Variants in TCEANC observed in about 807,000 individuals in gnomAD.
TCEANC encodes the protein transcription elongation factor A N-terminal and central domain-containing protein.
A neutral mutation model predicts 8.7 loss-of-function variants in TCEANC; 8 were observed. The observed-to-expected ratio is 0.92, with a 90% CI of 0.54 to 1.65. The LOEUF is 1.65. Ranked by LOEUF, TCEANC falls within the 40% of genes most tolerant of loss-of-function variation. The pLI is 0.00. For synonymous variants in TCEANC, 78 were observed against 92.9 expected, an observed-to-expected ratio of 0.84 and a Z score of 0.92; for missense variants, 255 against 251.9, an observed-to-expected ratio of 1.01 and a Z score of -0.08.
exon 2 of TCEANC, chrX:13,663,472 C>T (rs1465348051): frequency 7.7e-6 from 9 of 1,175,339 alleles, no homozygotes; most frequent in East Asian, 6.3e-5. Flanking sequence ...CAGCTGGGTG[C>T]GGAATTCAAA....
intron 1 of TCEANC, among the ~76,000 whole-genome samples, chrX:13,658,545 AATTTC>A (rs2045941676): frequency 1.0e-5 from 1 of 95,353 alleles, no homozygotes; most frequent in African/African-American, 4.1e-5. Flanking sequence ...GGTCTAATAT[AATTTC>A]ATGATAAACT....
At chrX:13,659,949 A>C (rs778992172) in intron 1 of TCEANC, among the ~76,000 whole-genome samples, 181 bp downstream of exon 3, 1 of 111,824 alleles carries the variant, frequency 8.9e-6, no homozygotes, top group East Asian at 2.8e-4. Context: ...TTAAGTATAC[A>C]GTTCAGTAGT....
chrX:13,663,089 A>T (rs370108042), exon 2 of TCEANC: 16 of 1,209,720 alleles, frequency 1.3e-5, no homozygotes, highest in Non-Finnish European at 1.7e-5. Flanking sequence ...GATCAACCCA[A>T]AGCTGATTTG....
upstream of TCEANC, among the ~76,000 whole-genome samples, chrX:13,654,977 G>A (rs2045914027): frequency 9.0e-6 from 1 of 111,019 alleles, no homozygotes; most frequent in African/African-American, 3.3e-5. Context: ...GGTGCAATGA[G>A]TACAAGCAAG....
At chrX:13,655,742 G>T (rs976513023) in intron 1 of TCEANC, among the ~76,000 whole-genome samples, 2 of 112,568 alleles carry the variant, frequency 1.8e-5, no homozygotes, top group African/African-American at 6.5e-5. Context: ...CCCTGCCATT[G>T]TTTGTTTTTG....
At chrX:13,660,471 C>G (rs1017848581) in intron 1 of TCEANC, among the ~76,000 whole-genome samples, 1 of 112,080 alleles carries the variant, frequency 8.9e-6, no homozygotes, top group African/African-American at 3.2e-5. Flanking sequence ...CTGCCCTACC[C>G]TACCTAGTCA....
exon 2 of TCEANC, chrX:13,663,105 A>G (rs1481044348): frequency 8.3e-7 from 1 of 1,209,951 alleles, no homozygotes; most frequent in African/African-American, 1.7e-5. Context: ...ATTTGTGGCA[A>G]AACTTTGCAA....
At chrX:13,665,119 C>T (rs2046005790) in exon 2 of TCEANC, 1 of 124,002 alleles carries the variant, frequency 8.1e-6, no homozygotes, top group South Asian at 3.6e-4. Flanking sequence ...GATATACTTG[C>T]TCTCCGTGTC....
chrX:13,662,388 C>T (rs1365987692), intron 1 of TCEANC, 113 bp from the exon 5 acceptor site: 2 of 660,992 alleles, frequency 3.0e-6, no homozygotes, highest in Non-Finnish European at 4.6e-6. Context: ...TATTACATGA[C>T]TCTTTCGGAA....
chrX:13,655,256 T>G (rs2146723442), upstream of TCEANC: 1 of 112,254 alleles, frequency 8.9e-6, no homozygotes, highest in East Asian at 2.8e-4. Flanking sequence ...TCCTCACCTG[T>G]AAGATGAAAA....
intron 1 of TCEANC, among the ~76,000 whole-genome samples, chrX:13,658,329 A>C (rs1027424007): frequency 8.9e-6 from 1 of 112,263 alleles, no homozygotes; most frequent in African/African-American, 3.2e-5. Flanking sequence ...TGTGAATTAC[A>C]TCTGAATAAA....
rs1057099276 is a variant in TCEANC, at chrX:13,662,995, T to C, written c.487T>C (p.Ser163Pro). Reference sequence around the variant, plus strand: ...TGACCCTGAATCCACTGGCAAGAGATCGAGTGAGTTGCTGGATCCCACAAC... The same window carrying C: ...TGACCCTGAATCCACTGGCAAGAGACCGAGTGAGTTGCTGGATCCCACAAC... Residue 163 changes from serine to proline, a missense_variant, in exon 2 of 2, where the codon TCG (serine) becomes CCG (proline). Coordinates refer to ENST00000380600, the Ensembl canonical transcript of TCEANC. The C allele has an allele frequency of 7.4e-6, 9 of 1,208,912 alleles. No individual in the cohort carries two copies. The highest frequency in any genetic ancestry group is 5.3e-5 in the African/African-American group (3 of 56,953).
chrX:13,656,183 T>A (rs2045922917), intron 1 of TCEANC, among the ~76,000 whole-genome samples: 2 of 112,084 alleles, frequency 1.8e-5, no homozygotes, highest in African/African-American at 6.5e-5. Context: ...GCAGCCAGTG[T>A]CTGTCCATGT....
At chrX:13,658,869 T>G (rs142435228) in intron 1 of TCEANC, among the ~76,000 whole-genome samples, 1,901 of 112,277 alleles carry the variant, frequency 0.017, 36 homozygotes, top group African/African-American at 0.057. Context: ...CAGTTTTGTT[T>G]TGTTTTAAAG....
upstream of TCEANC, among the ~76,000 whole-genome samples, chrX:13,654,799 C>G (rs1179568784): frequency 9.2e-6 from 1 of 109,066 alleles, no homozygotes; most frequent in Non-Finnish European, 1.9e-5. Context: ...CCCCTCAAAC[C>G]CACTTCATTA....
intron 1 of TCEANC, among the ~76,000 whole-genome samples, chrX:13,656,601 A>G (rs1358639714): frequency 8.9e-6 from 1 of 112,658 alleles, no homozygotes; most frequent in Non-Finnish European, 1.9e-5. Context: ...TTTTGAGTAT[A>G]TACTCTGAAG....
chrX:13,658,198 T>G (rs981204702), intron 1 of TCEANC, among the ~76,000 whole-genome samples: 2 of 111,713 alleles, frequency 1.8e-5, no homozygotes, highest in Admixed American at 1.9e-4. Context: ...TGCAGGGATT[T>G]TCTTGGGGGG....
intron 1 of TCEANC, among the ~76,000 whole-genome samples, chrX:13,661,813 C>G (rs180802262): frequency 1.4e-4 from 16 of 111,955 alleles, no homozygotes; most frequent in Non-Finnish European, 2.3e-4. Context: ...ACCAGTTAGT[C>G]TAAAGTCATA....
rs907053169 is a variant in TCEANC at position 13,659,325 on chromosome X, C to G, written c.-8-3176C>G. On this transcript the variant is annotated intron_variant, in intron 1 of 1. Coordinates refer to ENST00000380600, the Ensembl canonical transcript of TCEANC. ...TGAATAAGAGATGGGCCTACAGCGC[C>G]CAAAAGGAAGTTAAGCAATATTTGA... Among the ~76,000 whole-genome samples the G allele has an allele frequency of 5.4e-5, 6 of 111,934 alleles. No individual in the cohort carries two copies. The East Asian group carries it at 1.1e-3, about 21-fold the overall frequency.
Sources: gnomAD v4.1 joint callset for allele counts (sites outside exome capture counted in the v4.1 genomes callset) on GRCh38, gnomAD v4.1.1 for gene constraint, MANE v1.5 for transcripts, NCBI Gene and HGNC (gene_info 2026-07-23, HGNC 2026-07-21) for gene names.